SPAG16: variants seen among roughly 807,000 people sequenced by gnomAD.
The protein encoded by SPAG16 is sperm associated antigen 16, also known as sperm-associated antigen 16 protein.
A neutral mutation model predicts 80.4 loss-of-function variants in SPAG16; 86 were observed. The observed-to-expected ratio is 1.07, with a 90% CI of 0.90 to 1.28. The LOEUF is 1.28. Among genes scored for constraint, SPAG16 ranks in the 50% most tolerant of loss-of-function variants. The pLI, the probability that SPAG16 is intolerant of heterozygous loss-of-function variation, is 0.00. For synonymous variants in SPAG16, 294 were observed against 265.9 expected (o/e 1.11, Z -1.03); for missense variants, 870 against 765.3 (o/e 1.14, Z -1.61).
intron 9 of SPAG16, among the ~76,000 whole-genome samples, chr2:213,445,521 G>A (rs1276482914): frequency 6.6e-6 from 1 of 152,102 alleles, no homozygotes; most frequent in Non-Finnish European, 1.5e-5. Context: ...AATTAGCTGG[G>A]CGTAGTGGTG....
intron 11 of SPAG16, among the ~76,000 whole-genome samples, chr2:213,901,704 T>A (rs1559567251): frequency 6.6e-6 from 1 of 152,036 alleles, no homozygotes; most frequent in African/African-American, 2.4e-5. Context: ...ATTCATAAAT[T>A]AAAAAATACA....
At chr2:214,371,648 A>C (rs1699823882) in intron 15 of SPAG16, among the ~76,000 whole-genome samples, 1 of 150,862 alleles carries the variant, frequency 6.6e-6, no homozygotes, top group South Asian at 2.1e-4. Context: ...GAAACAATAT[A>C]GATTATAAAA....
intron 15 of SPAG16, among the ~76,000 whole-genome samples, chr2:214,199,815 C>T (rs2057957349): frequency 6.6e-6 from 1 of 152,080 alleles, no homozygotes; most frequent in African/African-American, 2.4e-5. Flanking sequence ...AGATCTTTCA[C>T]CTCCTTGGTT....
At chr2:214,235,034 G>T (rs546614122) in intron 15 of SPAG16, among the ~76,000 whole-genome samples, 1 of 152,152 alleles carries the variant, frequency 6.6e-6, no homozygotes, top group South Asian at 2.1e-4. Context: ...TTCAAATTAT[G>T]ACCCTCTTGA....
Position 214,272,966 on chromosome 2 carries a change from T to A in SPAG16, c.1720+123700T>A, listed in dbSNP as rs550590547. On this transcript the variant is annotated intron_variant, in intron 15 of 15. Coordinates refer to ENST00000331683, the MANE Select transcript of SPAG16 (RefSeq NM_024532.5). ...TCTCCAGCACCTGCTGTTTCCTGAC[T>A]TTTTAATGATCGCCATTCTAACTGG... Among the ~76,000 whole-genome samples, 17 of 152,328 alleles carry A rather than the reference T, an allele frequency of 1.1e-4. No individual in the cohort carries two copies. The East Asian group carries it at 3.3e-3, about 29-fold the overall frequency.
intron 10 of SPAG16, among the ~76,000 whole-genome samples, chr2:213,855,564 G>GT (rs1405850787): frequency 6.6e-6 from 1 of 152,110 alleles, no homozygotes; most frequent in Non-Finnish European, 1.5e-5. Flanking sequence ...TTAATATGCT[G>GT]TTATAAAGAC....
chr2:213,449,305 A>G (rs1458617838), intron 9 of SPAG16, among the ~76,000 whole-genome samples: 3 of 152,066 alleles, frequency 2.0e-5, no homozygotes, highest in Non-Finnish European at 2.9e-5. Flanking sequence ...CTGAATATAG[A>G]CCCTTATCAA....
At chr2:213,810,409 A>G (rs80148592) in intron 10 of SPAG16, among the ~76,000 whole-genome samples, 38 of 152,282 alleles carry the variant, frequency 2.5e-4, no homozygotes, top group African/African-American at 9.1e-4. Context: ...AAATGATTGT[A>G]GTGGCAAGGA....
intron 15 of SPAG16, among the ~76,000 whole-genome samples, chr2:214,190,494 G>A (rs528301304): frequency 1.1e-3 from 167 of 151,984 alleles, no homozygotes; most frequent in Non-Finnish European, 1.9e-3. Flanking sequence ...ATATACCCTT[G>A]TATACAATTG....
intron 15 of SPAG16, among the ~76,000 whole-genome samples, chr2:214,343,824 A>T (rs576235682): frequency 6.6e-6 from 1 of 152,288 alleles, no homozygotes; most frequent in South Asian, 2.1e-4. Flanking sequence ...AGCATAATTA[A>T]TAAAATTGAA....
At chr2:213,825,310 T>C (rs1229967891) in intron 10 of SPAG16, among the ~76,000 whole-genome samples, 4 of 152,226 alleles carry the variant, frequency 2.6e-5, no homozygotes. Context: ...TCTAGATCTT[T>C]GAGAAAAAGC....
rs533130030 is a variant in SPAG16, at chr2:213,942,393, C to T, written c.1400+12248C>T. Among the ~76,000 whole-genome samples, 30 of 152,352 alleles carry T rather than the reference C, an allele frequency of 2.0e-4. 1 individual carries two copies. In the East Asian group the frequency reaches 5.4e-3, roughly 27 times the overall value. On this transcript the variant is annotated intron_variant, in intron 12 of 15. Coordinates refer to ENST00000331683, the MANE Select transcript of SPAG16 (RefSeq NM_024532.5). ...ATTCAAATCCCTAACACTCTCCCCA[C>T]TCACTTTTTCTCTGAGTGACAACAT...
chr2:214,147,544 A>T lies in SPAG16; in HGVS notation c.1594-1596A>T, dbSNP rs539112355. ...TCCATTCTGTGACTTCTCTCAGATC[A>T]TTGAAAGCCCTTATATTTGGAAAGA... On this transcript the variant is annotated intron_variant, in intron 14 of 15. Transcript: ENST00000331683. Among the ~76,000 whole-genome samples the T allele has an allele frequency of 5.3e-5, 8 of 152,320 alleles. No homozygotes were observed. The East Asian group carries it at 1.5e-3, about 29-fold the overall frequency.
intron 11 of SPAG16, among the ~76,000 whole-genome samples, chr2:213,863,474 T>G (rs545753407): frequency 6.6e-6 from 1 of 152,274 alleles, no homozygotes; most frequent in East Asian, 1.9e-4. Context: ...TTTATTTAAA[T>G]TTAGAAATTT....
At chr2:214,129,319 A>G (rs1022404822) in intron 14 of SPAG16, among the ~76,000 whole-genome samples, 29 of 152,128 alleles carry the variant, frequency 1.9e-4, no homozygotes, top group Non-Finnish European at 2.8e-4. Flanking sequence ...TCGTCAAGGT[A>G]GTATGTCAAC....
intron 9 of SPAG16, among the ~76,000 whole-genome samples, chr2:213,392,806 A>G (rs2067825567): frequency 6.6e-6 from 1 of 152,000 alleles, no homozygotes; most frequent in Admixed American, 6.6e-5. Context: ...AGATTGCACT[A>G]CTGCACTCCA....
chr2:213,385,831 T>C (rs1210787777), intron 9 of SPAG16, among the ~76,000 whole-genome samples: 3 of 151,896 alleles, frequency 2.0e-5, no homozygotes, highest in Non-Finnish European at 4.4e-5. Flanking sequence ...TGACTTCTTG[T>C]AACTCAGAAT....
intron 12 of SPAG16, among the ~76,000 whole-genome samples, chr2:213,949,326 G>A (rs544235617): frequency 2.6e-5 from 4 of 151,498 alleles, no homozygotes; most frequent in African/African-American, 7.3e-5. Flanking sequence ...GTGCCACCAC[G>A]CCCAGCTAAT....
chr2:214,360,846 T>C (rs943588739), intron 15 of SPAG16, among the ~76,000 whole-genome samples: 2 of 151,774 alleles, frequency 1.3e-5, no homozygotes, highest in Non-Finnish European at 2.9e-5. Context: ...TAAGCGTCAA[T>C]GGTTGAAGCT....
Sources: gnomAD v4.1 joint callset for allele counts (sites outside exome capture counted in the v4.1 genomes callset) on GRCh38, gnomAD v4.1.1 for gene constraint, MANE v1.5 for transcripts, NCBI Gene and HGNC (gene_info 2026-07-23, HGNC 2026-07-21) for gene names.